The following BOLL variants were observed in gnomAD, a reference collection of about 807,000 sequenced individuals.
BOLL encodes protein boule-like.
In BOLL, 23 loss-of-function variants were observed where a neutral mutation model predicts 44.4. The ratio of observed to expected loss-of-function variants is 0.52; its 90% CI spans 0.37 to 0.73. The LOEUF (loss-of-function observed/expected upper bound fraction) is 0.73. BOLL is among the 30% of genes least tolerant of loss of function. The pLI is 0.00. For missense variants in BOLL, 287 were observed against 338.3 expected (o/e 0.85, Z 1.19); for synonymous variants, 97 against 110.8 (o/e 0.88, Z 0.78).
At position 197,777,160 on chromosome 2, in the gene BOLL, GTTATA is replaced by G. The variant is rs1181247156; in HGVS notation, c.222-52_222-48del. ...TACTAATTAATCATTTTCTTAGAAT[GTTATA>G]TTAATTATATTAAAATGTTTAAAAA... is the stretch of plus-strand genomic sequence containing the variant. On this transcript the variant is annotated intron_variant, in intron 3 of 10. Transcript: ENST00000392296. 2.4e-6 allele frequency: 3 copies of G among 1,255,088 alleles called. No individual in the cohort carries two copies. In the African/African-American group the frequency reaches 4.7e-5, roughly 20 times the overall value. The allele number at this position is 1,255,088 out of a possible 1,614,324, so 77.7% of individuals were successfully genotyped here.
At position 197,749,755 on chromosome 2, in the gene BOLL, G is replaced by C. The variant is rs376339743; in HGVS notation, c.730-6596C>G. Among the ~76,000 whole-genome samples, 29 of 152,218 alleles carry C rather than the reference G, an allele frequency of 1.9e-4. 1 individual carries two copies. Among genetic ancestry groups the C allele is most frequent in the African/African-American group, 6.5e-4 (27 of 41,532 alleles). The stretch of plus-strand genomic sequence containing the variant: ...ACTATGTGAAAAGGCCAAAGTTTAG[G>C]TTTGATTGGTGTACCTAAAAGTGAC... On this transcript the variant is annotated intron_variant, in intron 9 of 10. Transcript: ENST00000392296.
chr2:197,744,395 G>A (rs1226228070), intron 9 of BOLL, among the ~76,000 whole-genome samples: 1 of 152,216 alleles, frequency 6.6e-6, no homozygotes, highest in Non-Finnish European at 1.5e-5. Context: ...GAAGAGAGTA[G>A]TATCATGGAA....
intron 9 of BOLL, among the ~76,000 whole-genome samples, chr2:197,754,164 A>T (rs1688393150): frequency 6.6e-6 from 1 of 152,174 alleles, no homozygotes; most frequent in South Asian, 2.1e-4. Flanking sequence ...GAGGGATAGC[A>T]TTAGGAGAAA....
intron 1 of BOLL, among the ~76,000 whole-genome samples, chr2:197,784,264 T>G (rs1193345423): frequency 1.3e-5 from 2 of 151,392 alleles, no homozygotes; most frequent in Non-Finnish European, 2.9e-5. Flanking sequence ...GTACTGACAG[T>G]ACACAGCAGG....
intron 2 of BOLL, among the ~76,000 whole-genome samples, chr2:197,779,506 T>C (rs1279883191): frequency 2.0e-5 from 3 of 151,906 alleles, no homozygotes; most frequent in Non-Finnish European, 2.9e-5. Context: ...TTTTAATCAG[T>C]AGTCTCAGGA....
At chr2:197,751,230 T>G (rs559077073) in intron 9 of BOLL, among the ~76,000 whole-genome samples, 8 of 152,038 alleles carry the variant, frequency 5.3e-5, no homozygotes, top group Non-Finnish European at 8.8e-5. Flanking sequence ...ACATTACAAT[T>G]AAAAGAACTA....
chr2:197,776,057 C>T lies in BOLL; in HGVS notation c.277-317G>A, dbSNP rs1022107107. 2.6e-5 allele frequency among the ~76,000 whole-genome samples: 4 copies of T among 151,848 alleles called. No individual in the cohort carries two copies. The South Asian group carries it at 6.2e-4, about 24-fold the overall frequency. ...GCAATTTTGAGGTTATTAGTGGACA[C>T]GTGAAGAGCGGCGGAAAATTTGAGT... On this transcript the variant is annotated intron_variant, in intron 4 of 10. Transcript: ENST00000392296.
At chr2:197,735,479 T>G (rs1443388799) in intron 10 of BOLL, among the ~76,000 whole-genome samples, 1 of 152,160 alleles carries the variant, frequency 6.6e-6, no homozygotes. Flanking sequence ...AACTTTTGCC[T>G]GTAATATTTA....
rs1432014139 is a variant in BOLL at position 197,766,599 on chromosome 2, C to T, written c.485G>A (p.Arg162His). The T allele has an allele frequency of 8.7e-6, 14 of 1,611,116 alleles. No individual in the cohort carries two copies. The highest frequency in any genetic ancestry group is 5.3e-5 in the African/African-American group (4 of 74,784). Reference sequence around the variant, plus strand: ...CATCACAGGGGAGCTACATACAGAACGTGACTATAAAAGGATGGAAAAAGA... The same window carrying T: ...CATCACAGGGGAGCTACATACAGAATGTGACTATAAAAGGATGGAAAAAGA... Reference protein sequence around the residue: ...VTSVPPPWPSRSVCSSPVMVA... With the variant: ...VTSVPPPWPSHSVCSSPVMVA... Residue 162 changes from arginine (R) to histidine (H), a missense_variant, in exon 7 of 11, where the codon CGT (arginine) becomes CAT (histidine). Coordinates refer to ENST00000392296, the MANE Select transcript of BOLL (RefSeq NM_033030.6).
chr2:197,727,196 A>AT lies in BOLL; in HGVS notation c.*1358dup, dbSNP rs1686889261. On this transcript the variant is annotated 3_prime_UTR_variant, in exon 11 of 11. Coordinates refer to ENST00000392296, the MANE Select transcript of BOLL (RefSeq NM_033030.6). Reference sequence around the variant, plus strand: ...AGCCATTTGACTGGCAAACATATTCATTACAGTTTCAAAAGAAAACACCCT... The same window carrying AT: ...AGCCATTTGACTGGCAAACATATTCATTTACAGTTTCAAAAGAAAACACCCT... 1 of 152,336 alleles carries AT rather than the reference A, an allele frequency of 6.6e-6. No individual in the cohort carries two copies. The highest frequency in any genetic ancestry group is 1.5e-5 in the Non-Finnish European group (1 of 68,036). 9.4% of individuals were successfully genotyped at this position (152,336 alleles called of 1,614,324 possible).
At chr2:197,770,327 C>A in intron 6 of BOLL, among the ~76,000 whole-genome samples, 1 of 152,106 alleles carries the variant, frequency 6.6e-6, no homozygotes, top group Non-Finnish European at 1.5e-5. Flanking sequence ...CTTCCTTACA[C>A]CTTATACAAA....
At chr2:197,750,939 C>A (rs1490761623) in intron 9 of BOLL, among the ~76,000 whole-genome samples, 1 of 152,184 alleles carries the variant, frequency 6.6e-6, no homozygotes, top group African/African-American at 2.4e-5. Context: ...GAAATCATAA[C>A]AAACAGTCTC....
chr2:197,774,127 G>A, intron 5 of BOLL: 2 of 331,052 alleles, frequency 6.0e-6, no homozygotes, highest in Non-Finnish European at 1.3e-5. Flanking sequence ...AGGGATGGAT[G>A]GTATACCAGG....
At chr2:197,738,905 GAAC>G (rs1404644651) in intron 10 of BOLL, among the ~76,000 whole-genome samples, 1 of 152,012 alleles carries the variant, frequency 6.6e-6, no homozygotes, top group Non-Finnish European at 1.5e-5. Context: ...TCATAATGTA[GAAC>G]AACATTTGTA....
chr2:197,778,998 A>G lies in BOLL; in HGVS notation c.198T>C (p.Asn66=), dbSNP rs1482087145. 6.2e-7 allele frequency: 1 copy of G among 1,611,494 alleles called. No homozygotes were observed. Among genetic ancestry groups the G allele is most frequent in the Admixed American group, 1.7e-5 (1 of 59,840 alleles). The change falls in exon 3 of 11, where the codon AAT becomes AAC. Residue 66 remains asparagine, a synonymous_variant. Transcript: ENST00000392296. ...YGSVKEVKIV[N]DRAGVSKGYG... is the part of the protein sequence containing the mutation. ...ACCCTTTGGATACTCCAGCTCTGTC[A>G]TTTACAATCTTCACTTCTTTCACAG...
intron 10 of BOLL, among the ~76,000 whole-genome samples, chr2:197,734,219 T>C (rs1390617404): frequency 4.6e-5 from 7 of 151,398 alleles, no homozygotes; most frequent in Admixed American, 4.6e-4. Context: ...AAAATGCTCA[T>C]CATCACTGGC....
At chr2:197,762,019 C>T (rs1294224718) in intron 7 of BOLL, among the ~76,000 whole-genome samples, 3 of 152,144 alleles carry the variant, frequency 2.0e-5, no homozygotes, top group Non-Finnish European at 4.4e-5. Flanking sequence ...GACTTCAACA[C>T]CCCACTCTCA....
At chr2:197,744,194 A>G (rs1687892439) in intron 9 of BOLL, among the ~76,000 whole-genome samples, 1 of 152,214 alleles carries the variant, frequency 6.6e-6, no homozygotes, top group African/African-American at 2.4e-5. Context: ...CTGCATTTCA[A>G]GTGCTCAACT....
chr2:197,746,696 T>A (rs1045195887), intron 9 of BOLL, among the ~76,000 whole-genome samples: 1 of 151,738 alleles, frequency 6.6e-6, no homozygotes, highest in African/African-American at 2.4e-5. Flanking sequence ...GGTCAAGAAA[T>A]CGAGACCATC....
Sources: gnomAD v4.1 joint callset for allele counts (sites outside exome capture counted in the v4.1 genomes callset) on GRCh38, gnomAD v4.1.1 for gene constraint, MANE v1.5 for transcripts, NCBI Gene and HGNC (gene_info 2026-07-23, HGNC 2026-07-21) for gene names.